The following CRB2 variants were observed in gnomAD, a reference collection of about 807,000 sequenced individuals.
The protein encoded by CRB2 is crumbs cell polarity complex component 2.
In CRB2, 85 loss-of-function variants were observed where a neutral mutation model predicts 110.9. The observed-to-expected ratio is 0.77, with a 90% confidence interval of 0.64 to 0.92. The LOEUF is 0.92. Ranked by LOEUF, CRB2 falls within the 40% of genes least tolerant of loss-of-function variation. The probability of loss-of-function intolerance (pLI) is 0.00; values close to 1 mark genes in which losing one functional copy is unlikely to be tolerated. For missense variants in CRB2, 1,843 were observed against 1,851.3 expected (o/e 1.00, Z 0.08); for synonymous variants, 907 against 831.0 (o/e 1.09, Z -1.57).
chr9:123,361,128 T>C (rs1471903284), intron 1 of CRB2, among the ~76,000 whole-genome samples: 1 of 43,044 alleles, frequency 2.3e-5, no homozygotes, highest in Non-Finnish European at 6.9e-5. Flanking sequence ...TCAGATTGGA[T>C]GGGCGGGGAG....
chr9:123,374,518 G>C, intron 10 of CRB2, 61 bp from the exon 11 acceptor site: 2 of 1,258,226 alleles, frequency 1.6e-6, no homozygotes, highest in Non-Finnish European at 2.3e-6. Flanking sequence ...CACGGTCACA[G>C]CGCTGGGGAG....
intron 1 of CRB2, among the ~76,000 whole-genome samples, chr9:123,359,257 G>T (rs1320554274): frequency 6.6e-6 from 1 of 151,842 alleles, no homozygotes; most frequent in Non-Finnish European, 1.5e-5. Context: ...CCCTACCCTT[G>T]TAGGGTAGAG....
Position 123,367,636 on chromosome 9 carries a change from G to A in CRB2, c.1004G>A (p.Cys335Tyr), listed in dbSNP as rs1464112984. 1.9e-6 allele frequency: 3 copies of A among 1,570,458 alleles called. No homozygotes were observed. The South Asian group carries it at 3.5e-5, about 18-fold the overall frequency. The change falls in exon 6 of 13, where the codon TGC (cysteine) becomes TAC (tyrosine). Residue 335 changes from cysteine (C) to tyrosine (Y), a missense_variant. Coordinates refer to ENST00000373631, the MANE Select transcript of CRB2 (RefSeq NM_173689.7). ...ASRPCLNGGH[C>Y]QDLPNGFQCH... The stretch of plus-strand genomic sequence containing the variant: ...CGGCCATGCCTCAACGGAGGCCACT[G>A]CCAGGACCTGCCCAATGGCTTCCAG...
rs2042067419 is a variant in CRB2 at position 123,374,173 on chromosome 9, G to A, written c.3389+253G>A. ...GGGAGCCGCCTGCCGCTTACACGGA[G>A]GTTCATCCCTATTGGTGGCTGGTTG... On this transcript the variant is annotated intron_variant, in intron 10 of 12. Transcript: ENST00000373631. The A allele has an allele frequency of 6.2e-6, 4 of 642,244 alleles. No individual in the cohort carries two copies. In the South Asian group the frequency reaches 7.3e-5, roughly 12 times the overall value. 39.8% of individuals were successfully genotyped at this position (642,244 alleles called of 1,614,324 possible). A position where few individuals can be genotyped will look rare whatever the true frequency, so the allele number is the denominator to read the frequency against.
chr9:123,373,658 T>C lies in CRB2; in HGVS notation c.3127T>C (p.Ser1043Pro). ...CCCTGGCGCCCGAGAGCACTTCGCGTCTTGGCCTGGGACGCCGGCCCCGAT... is the reference window on the plus strand; with the variant it reads ...CCCTGGCGCCCGAGAGCACTTCGCGCCTTGGCCTGGGACGCCGGCCCCGAT... ...AAPGAREHFA[S>P]WPGTPAPILG... The change falls in exon 10 of 13, where the codon TCT becomes CCT. Residue 1043 changes from serine (S) to proline (P), a missense_variant. Transcript: ENST00000373631. 7.0e-7 allele frequency: 1 copy of C among 1,427,736 alleles called. No homozygotes were observed. Among genetic ancestry groups the C allele is most frequent in the Non-Finnish European group, 9.1e-7 (1 of 1,097,966 alleles). 88.4% of individuals were successfully genotyped at this position (1,427,736 alleles called of 1,614,324 possible).
At chr9:123,375,123 ATGCT>A (rs1475770580) in intron 11 of CRB2, 90 bp from the exon 12 acceptor site, 40 of 1,566,038 alleles carry the variant, frequency 2.6e-5, no homozygotes, top group Non-Finnish European at 3.4e-5. Context: ...ATAAGCTCTG[ATGCT>A]TGCTGAAGTG....
chr9:123,363,166 C>G lies in CRB2; in HGVS notation c.396C>G (p.Cys132Trp). The G allele has an allele frequency of 6.2e-7, 1 of 1,607,760 alleles. No individual in the cohort carries two copies. The highest frequency in any genetic ancestry group is 8.5e-7 in the Non-Finnish European group (1 of 1,177,416). Residue 132 changes from cysteine (C) to tryptophan (W), a missense_variant, in exon 2 of 13, where the codon TGC (cysteine) becomes TGG (tryptophan). By Grantham distance (215) the Cys-to-Trp change is radical (BLOSUM62 -2). Transcript: ENST00000373631. ...TCRNLADRYECHCPLGYAGVT... is the reference protein window; with the variant it reads ...TCRNLADRYEWHCPLGYAGVT... ...GCAACCTGGCCGATCGCTACGAGTG[C>G]CATTGCCCCCTTGGCTATGCAGGTA...
rs992216922 is a variant in CRB2, at chr9:123,356,318, C to T, written c.58C>T (p.Leu20=). ...CCAGGCCCTGGCCTCTGTCCTGCTA[C>T]TGCTGCTCTGGGCCCCTGCCCTTTC... The part of the protein sequence containing the change: ...DPQALASVLL[L]LLWAPALSLL... Residue 20 remains leucine (L), a synonymous_variant, in exon 1 of 13, where the codon CTG becomes TTG. Transcript: ENST00000373631. 4 of 1,547,820 alleles carry T rather than the reference C, an allele frequency of 2.6e-6. No homozygotes were observed. The highest frequency in any genetic ancestry group is 2.6e-6 in the Non-Finnish European group (3 of 1,146,146).
In CRB2 at chr9:123,366,242, C is replaced by T. The variant is rs759472368; in HGVS notation, c.630C>T (p.Cys210=). 10 of 1,476,664 alleles carry T rather than the reference C, an allele frequency of 6.8e-6. No individual in the cohort carries two copies. The highest frequency in any genetic ancestry group is 1.5e-5 in the African/African-American group (1 of 68,340). The allele number at this position is 1,476,664 out of a possible 1,614,324, so 91.5% of individuals were successfully genotyped here. The change falls in exon 4 of 13, where the codon TGC becomes TGT. Residue 210 remains cysteine, a synonymous_variant. Coordinates refer to ENST00000373631, the MANE Select transcript of CRB2 (RefSeq NM_173689.7). The part of the protein sequence containing the change: ...HDLVNGFRCD[C]AGTGYEGTHC... ...CCCTCCCCAGGTTCCGGTGCGACTG[C>T]GCGGGCACCGGCTACGAGGGCACGC... is the stretch of plus-strand genomic sequence containing the variant.
rs372093386 is a variant in CRB2, at chr9:123,371,102, G to A, written c.1960G>A (p.Ala654Thr). The change falls in exon 8 of 13, where the codon GCC (alanine) becomes ACC (threonine). Residue 654 changes from alanine (A) to threonine (T), a missense_variant. Ala to Thr is a moderately conservative substitution (Grantham distance 58). Transcript: ENST00000373631. The part of the protein sequence containing the change: ...IPAATFGLGG[A>T]PSSASFLLQE... Reference sequence around the variant, plus strand: ...TGCTGCCACCTTTGGCTTGGGAGGCGCCCCAAGCTCTGCCTCCTTTCTGCT... The same window carrying A: ...TGCTGCCACCTTTGGCTTGGGAGGCACCCCAAGCTCTGCCTCCTTTCTGCT... The A allele has an allele frequency of 7.4e-6, 12 of 1,613,078 alleles. No homozygotes were observed. Among genetic ancestry groups the A allele is most frequent in the South Asian group, 1.1e-5 (1 of 91,060 alleles).
Position 123,371,186 on chromosome 9 carries a change from G to T in CRB2, c.2044G>T (p.Ala682Ser), listed in dbSNP as rs571013901. ...VSFLLRTRES[A>S]GLLLQFANDS... Reference sequence around the variant, plus strand: ...TTTCCTTCTCCGCACTCGGGAGTCCGCTGGCCTGTTGCTCCAGTTTGCCAA... The same window carrying T: ...TTTCCTTCTCCGCACTCGGGAGTCCTCTGGCCTGTTGCTCCAGTTTGCCAA... Residue 682 changes from alanine to serine, a missense_variant, in exon 8 of 13, where the codon GCT becomes TCT. Coordinates refer to ENST00000373631, the MANE Select transcript of CRB2 (RefSeq NM_173689.7). The T allele has an allele frequency of 6.2e-7, 1 of 1,613,692 alleles. No individual in the cohort carries two copies. The highest frequency in any genetic ancestry group is 8.5e-7 in the Non-Finnish European group (1 of 1,180,042).
chr9:123,355,206 C>T (rs1284159669), upstream of CRB2, among the ~76,000 whole-genome samples: 1 of 152,144 alleles, frequency 6.6e-6, no homozygotes. Flanking sequence ...TGAACCAGGT[C>T]CCCCTGAAGA....
At chr9:123,361,141 G>T (rs1294808463) in intron 1 of CRB2, among the ~76,000 whole-genome samples, 8 of 136,260 alleles carry the variant, frequency 5.9e-5, no homozygotes, top group African/African-American at 5.0e-5. Flanking sequence ...GCGGGGAGGG[G>T]GGGGGGTTCC....
At chr9:123,379,045 C>T (rs1245808678), downstream of CRB2, among the ~76,000 whole-genome samples, 2 of 151,810 alleles carry the variant, frequency 1.3e-5, no homozygotes, top group African/African-American at 4.8e-5. Context: ...CCTGCCCCGG[C>T]CTCCCAAAAT....
Position 123,365,149 on chromosome 9 carries a change from G to T in CRB2, c.419-768G>T, listed in dbSNP as rs374964127. On this transcript the variant is annotated intron_variant, in intron 2 of 12. Transcript: ENST00000373631. Reference sequence around the variant, plus strand: ...GAGGTGGCATGCACCTGTAATCCCAGCTACTCTGCAATCTGAGGCACAAGA... The same window carrying T: ...GAGGTGGCATGCACCTGTAATCCCATCTACTCTGCAATCTGAGGCACAAGA... Among the ~76,000 whole-genome samples, 18 of 152,282 alleles carry T rather than the reference G, an allele frequency of 1.2e-4. No individual in the cohort carries two copies. In the East Asian group the frequency reaches 2.5e-3, roughly 21 times the overall value.
chr9:123,362,953 T>C lies in CRB2; in HGVS notation c.183T>C (p.Tyr61=). 6.2e-7 allele frequency: 1 copy of C among 1,610,656 alleles called. No individual in the cohort carries two copies. The highest frequency in any genetic ancestry group is 8.5e-7 in the Non-Finnish European group (1 of 1,177,986). ...TECQATESGG[Y]TCGPMEPRGC... is the part of the protein sequence containing the mutation. ...GCCAGGCTACCGAGAGTGGTGGCTA[T>C]ACCTGTGGGCCCATGGAGCCCCGGG... Residue 61 remains tyrosine, a synonymous_variant, in exon 2 of 13, where the codon TAT becomes TAC. Coordinates refer to ENST00000373631, the MANE Select transcript of CRB2 (RefSeq NM_173689.7).
intron 1 of CRB2, among the ~76,000 whole-genome samples, chr9:123,356,711 G>A (rs1378679520): frequency 6.6e-6 from 1 of 152,050 alleles, no homozygotes; most frequent in Non-Finnish European, 1.5e-5. Flanking sequence ...GGGTTTCTAG[G>A]GGCTGAGTTT....
At position 123,377,240 on chromosome 9, in the gene CRB2, C is replaced by CAG. The variant is rs1275182243; in HGVS notation, c.*181_*182dup. 3 of 633,196 alleles carry CAG rather than the reference C, an allele frequency of 4.7e-6. No individual in the cohort carries two copies. The highest frequency in any genetic ancestry group is 6.1e-5 in the Admixed American group (2 of 32,574). The allele number at this position is 633,196 out of a possible 1,614,324, so 39.2% of individuals were successfully genotyped here. A position where few individuals can be genotyped will look rare whatever the true frequency, so the allele number is the denominator to read the frequency against. On this transcript the variant is annotated 3_prime_UTR_variant, in exon 13 of 13. Transcript: ENST00000373631. ...GGACGAGGGGAGCAACTCAGGGAAA[C>CAG]AGAGGCCTAGAGAGGCTGCGGACTT...
chr9:123,375,169 G>A (rs2042083851), intron 11 of CRB2, 48 bp from the exon 12 acceptor site: 3 of 1,609,662 alleles, frequency 1.9e-6, no homozygotes. Context: ...GGGAGCACAA[G>A]AGGCAGCCAT....
Sources: allele counts gnomAD v4.1 joint callset (sites outside exome capture counted in the v4.1 genomes callset), GRCh38; gene constraint gnomAD v4.1.1; transcripts MANE v1.5; gene names NCBI Gene and HGNC (gene_info 2026-07-23, HGNC 2026-07-21).